Variants in TMTC2 observed in about 807,000 individuals in gnomAD.
TMTC2 encodes the protein protein O-mannosyl-transferase TMTC2.
TMTC2 carries 43 observed loss-of-function variants against 82.4 expected under a neutral mutation model. That is an observed-to-expected ratio of 0.52 (90% CI 0.41 to 0.67). The LOEUF is 0.67. Among genes scored for constraint, TMTC2 ranks in the 30% least tolerant of loss-of-function variants. The probability of loss-of-function intolerance (pLI) is 0.00; values close to 1 mark genes in which losing one functional copy is unlikely to be tolerated. For synonymous variants in TMTC2, 408 were observed against 381.9 expected (o/e 1.07, Z -0.80); for missense variants, 919 against 1,012.4 (o/e 0.91, Z 1.25).
intron 11 of TMTC2, among the ~76,000 whole-genome samples, chr12:83,067,686 A>G (rs895531514): frequency 1.3e-5 from 2 of 152,062 alleles, no homozygotes; most frequent in Non-Finnish European, 2.9e-5. Flanking sequence ...TGAGGAGCAC[A>G]GTAGGTAATA....
At chr12:82,882,400 T>C (rs1048283193) in intron 2 of TMTC2, among the ~76,000 whole-genome samples, 2 of 152,214 alleles carry the variant, frequency 1.3e-5, no homozygotes, top group African/African-American at 4.8e-5. Flanking sequence ...AAATAGTACG[T>C]ACCAAGAAAG....
Position 83,114,907 on chromosome 12 carries a change from A to G in TMTC2, c.2332-17303A>G, listed in dbSNP as rs758444156. ...TGTGTATATTTATATATATAAAAAT[A>G]TGTACACATATATATATCAGATCCA... On this transcript the variant is annotated intron_variant, in intron 11 of 11. Transcript: ENST00000321196. Among the ~76,000 whole-genome samples the G allele has an allele frequency of 2.3e-4, 35 of 151,974 alleles. 1 individual carries two copies. Among genetic ancestry groups the G allele is most frequent in the Non-Finnish European group, 4.6e-4 (31 of 67,972 alleles).
chr12:82,896,408 C>G lies in TMTC2; in HGVS notation c.1245C>G (p.Val415=). 1 of 1,614,112 alleles carries G rather than the reference C, an allele frequency of 6.2e-7. No individual in the cohort carries two copies. Among genetic ancestry groups the G allele is most frequent in the Non-Finnish European group, 8.5e-7 (1 of 1,180,020 alleles). ...CTGCCACGAACCTGTTTTTCTATGT[C>G]GGCTTTGTAATTGCAGAGCGAGTAT... ...FVPATNLFFY[V]GFVIAERVLY... Residue 415 remains valine (V), a synonymous_variant, in exon 3 of 12, where the codon GTC becomes GTG. Transcript: ENST00000321196.
chr12:82,773,257 A>C (rs554281358), intron 1 of TMTC2, among the ~76,000 whole-genome samples: 2 of 152,206 alleles, frequency 1.3e-5, no homozygotes, highest in South Asian at 4.1e-4. Context: ...CAAATTGTAT[A>C]TAGTCAAAAG....
intron 9 of TMTC2, among the ~76,000 whole-genome samples, chr12:83,037,757 A>T (rs2137434294): frequency 6.6e-6 from 1 of 152,194 alleles, no homozygotes; most frequent in South Asian, 2.1e-4. Flanking sequence ...AAACTTTCCC[A>T]TAACTAAAAT....
chr12:82,792,616 A>G (rs116231452), intron 1 of TMTC2, among the ~76,000 whole-genome samples: 2,358 of 152,092 alleles, frequency 0.016, 60 homozygotes, highest in African/African-American at 0.053. Context: ...ACAGACGTGC[A>G]TCACCACACC....
At chr12:82,885,450 G>A (rs1364605373) in intron 2 of TMTC2, among the ~76,000 whole-genome samples, 1 of 151,654 alleles carries the variant, frequency 6.6e-6, no homozygotes, top group Non-Finnish European at 1.5e-5. Flanking sequence ...GCTCACTGTA[G>A]TCTTGATTTC....
In TMTC2 at chr12:83,014,050, CTA is replaced by C. The variant is rs568312994; in HGVS notation, c.2071-16746_2071-16745del. Among the ~76,000 whole-genome samples the C allele has an allele frequency of 3.0e-4, 45 of 152,222 alleles. No homozygotes were observed. The South Asian group carries it at 8.7e-3, about 30-fold the overall frequency. On this transcript the variant is annotated intron_variant, in intron 8 of 11. Transcript: ENST00000321196. Reference sequence around the variant, plus strand: ...CACTGAACTCTAAGGCAAATTTTGCCTATGTTTTTCTAAGACATTCCAAAACA... The same window carrying C: ...CACTGAACTCTAAGGCAAATTTTGCCTGTTTTTCTAAGACATTCCAAAACA...
At chr12:82,908,330 T>C (rs775597328) in intron 3 of TMTC2, among the ~76,000 whole-genome samples, 3 of 152,198 alleles carry the variant, frequency 2.0e-5, no homozygotes, top group Non-Finnish European at 4.4e-5. Context: ...AAATGGTTTT[T>C]GATTTTTTCA....
At chr12:83,061,747 A>G in intron 10 of TMTC2, 21 bp from the exon 11 acceptor site, 1 of 1,566,328 alleles carries the variant, frequency 6.4e-7, no homozygotes, top group Non-Finnish European at 8.6e-7. Flanking sequence ...ATATAGTTTT[A>G]TTTTATTTTT....
rs529872443 is a variant in TMTC2, at chr12:83,111,349, T to C, written c.2332-20861T>C. On this transcript the variant is annotated intron_variant, in intron 11 of 11. Coordinates refer to ENST00000321196, the MANE Select transcript of TMTC2 (RefSeq NM_152588.3). ...AGCTTTGTAGCCATAAGATCTCTGT[T>C]GCAGATGTTCAGCTCTGCTTTTGTA... Among the ~76,000 whole-genome samples, 428 of 152,374 alleles carry C rather than the reference T, an allele frequency of 2.8e-3. 2 individuals carry two copies. Among genetic ancestry groups the C allele is most frequent in the Non-Finnish European group, 4.6e-3 (313 of 68,038 alleles).
At chr12:82,859,067 AT>A (rs1224587372) in intron 2 of TMTC2, among the ~76,000 whole-genome samples, 5,014 of 130,468 alleles carry the variant, frequency 0.038, 224 homozygotes, top group African/African-American at 0.12. Flanking sequence ...AAATATTGTG[AT>A]TTTTTTTTTT....
intron 1 of TMTC2, among the ~76,000 whole-genome samples, chr12:82,828,389 G>A (rs1869550886): frequency 6.6e-6 from 1 of 151,850 alleles, no homozygotes; most frequent in African/African-American, 2.4e-5. Flanking sequence ...ATGTAGAGAT[G>A]GGGTTTCGCC....
intron 11 of TMTC2, among the ~76,000 whole-genome samples, chr12:83,115,206 G>A (rs1884714780): frequency 1.3e-5 from 2 of 152,098 alleles, no homozygotes; most frequent in Non-Finnish European, 2.9e-5. Flanking sequence ...GATTGAGAAA[G>A]CATGCACATG....
chr12:82,902,912 TA>T (rs1874095211), intron 3 of TMTC2, among the ~76,000 whole-genome samples: 1 of 152,188 alleles, frequency 6.6e-6, no homozygotes, highest in African/African-American at 2.4e-5. Flanking sequence ...TTCTGTACTT[TA>T]AAAACTCTAG....
intron 7 of TMTC2, among the ~76,000 whole-genome samples, chr12:82,973,343 A>T (rs2137316416): frequency 6.6e-6 from 1 of 152,282 alleles, no homozygotes. Context: ...TTCCATTATC[A>T]GAAAGGATAC....
intron 10 of TMTC2, among the ~76,000 whole-genome samples, chr12:83,060,868 ATCTG>A (rs544935117): frequency 7.6e-4 from 116 of 151,906 alleles, no homozygotes; most frequent in African/African-American, 2.7e-3. Context: ...CAGTGAACAA[ATCTG>A]TCTGTAAATT....
At chr12:82,993,471 C>G (rs891473236) in intron 8 of TMTC2, among the ~76,000 whole-genome samples, 4 of 151,592 alleles carry the variant, frequency 2.6e-5, no homozygotes, top group African/African-American at 9.7e-5. Context: ...TATTGAATAA[C>G]TTTTTTTAAA....
chr12:82,919,846 CCCA>C (rs1875273223), intron 3 of TMTC2, among the ~76,000 whole-genome samples: 1 of 152,216 alleles, frequency 6.6e-6, no homozygotes, highest in African/African-American at 2.4e-5. Context: ...AACTGCCACG[CCCA>C]TGGCTTTGCT....
Sources: gnomAD v4.1 joint callset for allele counts (sites outside exome capture counted in the v4.1 genomes callset) on GRCh38, gnomAD v4.1.1 for gene constraint, MANE v1.5 for transcripts, NCBI Gene and HGNC (gene_info 2026-07-23, HGNC 2026-07-21) for gene names.